The following PEBP4 variants were observed in gnomAD, a reference collection of about 807,000 sequenced individuals.
PEBP4 encodes phosphatidylethanolamine-binding protein 4.
PEBP4 carries 22 observed loss-of-function variants against 23.9 expected under a neutral mutation model. The ratio of observed to expected loss-of-function variants is 0.92; its 90% CI spans 0.66 to 1.31. The LOEUF (loss-of-function observed/expected upper bound fraction) is 1.31. Among genes scored for constraint, PEBP4 ranks in the 40% most tolerant of loss-of-function variants. PEBP4 has a pLI of 0.00. For synonymous variants in PEBP4, 112 were observed against 99.3 expected, an observed-to-expected ratio of 1.13 and a Z score of -0.76; for missense variants, 324 against 281.7, an observed-to-expected ratio of 1.15 and a Z score of -1.07.
Position 22,920,219 on chromosome 8 carries a change from T to A in PEBP4, c.223A>T (p.Met75Leu). ...CCCGGGAACTTGACTATCGGCTCCA[T>A]CCAGGAGGTGATCTTCTGTCTGTAG... Reference protein sequence around the residue: ...NNYRQKITSWMEPIVKFPGAV... With the variant: ...NNYRQKITSWLEPIVKFPGAV... The change falls in exon 3 of 7, where the codon ATG becomes TTG. Residue 75 changes from methionine (M) to leucine (L), a missense_variant. Met to Leu is a conservative substitution (Grantham distance 15, BLOSUM62 2). Coordinates refer to ENST00000256404, the MANE Select transcript of PEBP4 (RefSeq NM_144962.3). 1.2e-6 allele frequency: 2 copies of A among 1,613,306 alleles called. No individual in the cohort carries two copies. Among genetic ancestry groups the A allele is most frequent in the African/African-American group, 1.3e-5 (1 of 74,926 alleles).
intron 4 of PEBP4, among the ~76,000 whole-genome samples, chr8:22,805,944 A>C (rs2128759669): frequency 6.6e-6 from 1 of 152,214 alleles, no homozygotes; most frequent in Non-Finnish European, 1.5e-5. Context: ...GAGAGGTATA[A>C]CTCTTCAATG....
chr8:22,917,557 A>G (rs920990427), intron 3 of PEBP4, among the ~76,000 whole-genome samples: 1 of 152,218 alleles, frequency 6.6e-6, no homozygotes, highest in East Asian at 1.9e-4. Context: ...GGAGTTGGGC[A>G]GACCTGGCTT....
chr8:22,734,221 G>A (rs144591524), intron 4 of PEBP4, among the ~76,000 whole-genome samples: 76 of 152,336 alleles, frequency 5.0e-4, no homozygotes, highest in African/African-American at 1.7e-3. Flanking sequence ...GCCGCCTAAC[G>A]CCAGCCTAGA....
chr8:22,871,649 G>A (rs1808009915), intron 3 of PEBP4, among the ~76,000 whole-genome samples: 1 of 149,110 alleles, frequency 6.7e-6, no homozygotes, highest in African/African-American at 2.5e-5. Context: ...CCAACTCCCT[G>A]GTTCAAGCTA....
At chr8:22,776,028 G>A (rs1422694115) in intron 4 of PEBP4, among the ~76,000 whole-genome samples, 1 of 152,158 alleles carries the variant, frequency 6.6e-6, no homozygotes, top group Non-Finnish European at 1.5e-5. Flanking sequence ...TGGGTCTGTG[G>A]CAGGGGCTGC....
intron 3 of PEBP4, among the ~76,000 whole-genome samples, chr8:22,856,316 G>T (rs561649285): frequency 1.3e-5 from 2 of 152,122 alleles, no homozygotes; most frequent in African/African-American, 4.8e-5. Context: ...TGTCAAATTG[G>T]TAATTATTTT....
intron 4 of PEBP4, among the ~76,000 whole-genome samples, chr8:22,754,399 C>A (rs897343405): frequency 6.6e-6 from 1 of 152,230 alleles, no homozygotes; most frequent in African/African-American, 2.4e-5. Context: ...ATGACCTTAA[C>A]CAACACAAAT....
intron 4 of PEBP4, among the ~76,000 whole-genome samples, chr8:22,748,348 G>A (rs1805173431): frequency 6.6e-6 from 1 of 152,008 alleles, no homozygotes; most frequent in South Asian, 2.1e-4. Flanking sequence ...CTACAGTGTG[G>A]AGAGAAGAAG....
intron 4 of PEBP4, among the ~76,000 whole-genome samples, chr8:22,781,346 G>A (rs996708858): frequency 1.3e-5 from 2 of 152,206 alleles, no homozygotes; most frequent in Admixed American, 6.5e-5. Flanking sequence ...CAGGCACCGG[G>A]GCTGGGAGTG....
At chr8:22,806,983 T>C (rs1408542863) in intron 4 of PEBP4, among the ~76,000 whole-genome samples, 1 of 152,246 alleles carries the variant, frequency 6.6e-6, no homozygotes, top group Non-Finnish European at 1.5e-5. Context: ...TGTTTTCTTT[T>C]CTATATTGTC....
chr8:22,925,437 C>T (rs1809306086), intron 2 of PEBP4: 1 of 589,568 alleles, frequency 1.7e-6, no homozygotes, highest in Non-Finnish European at 2.1e-6. Context: ...TATGTAAACA[C>T]TGTGGGCAGA....
chr8:22,899,536 C>T (rs1808669045), intron 3 of PEBP4, among the ~76,000 whole-genome samples: 1 of 152,166 alleles, frequency 6.6e-6, no homozygotes, highest in Non-Finnish European at 1.5e-5. Flanking sequence ...GTGCACCCTG[C>T]TTATTAAGCC....
chr8:22,861,566 A>C (rs1201034501), intron 3 of PEBP4, among the ~76,000 whole-genome samples: 1 of 152,206 alleles, frequency 6.6e-6, no homozygotes, highest in Non-Finnish European at 1.5e-5. Context: ...TTTCTGTGGC[A>C]AGATTTGACA....
chr8:22,859,627 C>T (rs557372314), intron 3 of PEBP4, among the ~76,000 whole-genome samples: 87 of 152,244 alleles, frequency 5.7e-4, no homozygotes, highest in South Asian at 1.2e-3. Flanking sequence ...TATTAGAAGA[C>T]CCACTTCAGC....
chr8:22,869,763 C>T (rs1807972340), intron 3 of PEBP4, among the ~76,000 whole-genome samples: 1 of 152,090 alleles, frequency 6.6e-6, no homozygotes, highest in Non-Finnish European at 1.5e-5. Context: ...GAACAGACAC[C>T]TCACCAAAGA....
intron 4 of PEBP4, among the ~76,000 whole-genome samples, chr8:22,799,929 C>A (rs2128758521): frequency 6.6e-6 from 1 of 152,316 alleles, no homozygotes; most frequent in South Asian, 2.1e-4. Flanking sequence ...GCACTATTCA[C>A]AACAGCAAAG....
intron 4 of PEBP4, among the ~76,000 whole-genome samples, chr8:22,776,186 G>T (rs112435918): frequency 0.011 from 1,609 of 152,310 alleles, 24 homozygotes; most frequent in African/African-American, 0.037. Context: ...TGACGCCAGC[G>T]CTCACACCCT....
intron 3 of PEBP4, among the ~76,000 whole-genome samples, chr8:22,860,807 C>A (rs1807765454): frequency 1.3e-5 from 2 of 152,214 alleles, no homozygotes; most frequent in African/African-American, 4.8e-5. Context: ...GTCTCTCCTG[C>A]ACGGTCCATC....
At chr8:22,906,176 A>T (rs891782929) in intron 3 of PEBP4, among the ~76,000 whole-genome samples, 1 of 152,128 alleles carries the variant, frequency 6.6e-6, no homozygotes, top group African/African-American at 2.4e-5. Context: ...ACACAGAAGT[A>T]CCAGGTGGGA....
Sources: allele counts gnomAD v4.1 joint callset (sites outside exome capture counted in the v4.1 genomes callset), GRCh38; gene constraint gnomAD v4.1.1; transcripts MANE v1.5; gene names NCBI Gene and HGNC (gene_info 2026-07-23, HGNC 2026-07-21).